The following ATP1B3 variants were observed in gnomAD, a reference collection of about 807,000 sequenced individuals.
The protein encoded by ATP1B3 is sodium/potassium-transporting ATPase subunit beta-3.
In ATP1B3, 10 loss-of-function variants were observed where a neutral mutation model predicts 30.2. The ratio of observed to expected loss-of-function variants is 0.33; its 90% CI spans 0.20 to 0.56. The LOEUF (loss-of-function observed/expected upper bound fraction) is 0.56, where lower values mean the gene tolerates loss of function less well. ATP1B3 is among the 20% of genes least tolerant of loss of function. ATP1B3 has a pLI of 0.90. For missense variants in ATP1B3, 238 were observed against 336.7 expected (o/e 0.71, Z 2.29); for synonymous variants, 113 against 117.0 (o/e 0.97, Z 0.22).
In ATP1B3 at chr3:141,925,804, G is replaced by GTGT; in HGVS notation, c.*104_*106dup. ...AATTATGAGACCACCTTGGAGAAAG[G>GTGT]TGTGTGGTACATGACATTGGGTTAC... is the stretch of plus-strand genomic sequence containing the variant. On this transcript the variant is annotated 3_prime_UTR_variant, in exon 7 of 7. Coordinates refer to ENST00000286371, the MANE Select transcript of ATP1B3 (RefSeq NM_001679.4). 1.4e-6 allele frequency: 2 copies of GTGT among 1,399,900 alleles called. No homozygotes were observed. Among genetic ancestry groups the GTGT allele is most frequent in the Non-Finnish European group, 2.0e-6 (2 of 1,020,502 alleles). 86.7% of individuals were successfully genotyped at this position (1,399,900 alleles called of 1,614,324 possible).
At chr3:141,897,509 C>A (rs150495503) in intron 1 of ATP1B3, among the ~76,000 whole-genome samples, 1 of 152,088 alleles carries the variant, frequency 6.6e-6, no homozygotes, top group Non-Finnish European at 1.5e-5. Context: ...GCTTGAGACT[C>A]CCTGGGAGAG....
intron 1 of ATP1B3, among the ~76,000 whole-genome samples, chr3:141,878,289 G>T (rs1169021091): frequency 6.6e-6 from 1 of 152,208 alleles, no homozygotes; most frequent in African/African-American, 2.4e-5. Flanking sequence ...AATCACTCAT[G>T]ATTTTTATTT....
At chr3:141,910,354 T>TA (rs1357350476) in intron 3 of ATP1B3, among the ~76,000 whole-genome samples, 3 of 152,192 alleles carry the variant, frequency 2.0e-5, no homozygotes, top group African/African-American at 7.2e-5. Flanking sequence ...TATCTATAAA[T>TA]ATTACACTTT....
At chr3:141,910,575 C>G (rs1362042305) in intron 3 of ATP1B3, among the ~76,000 whole-genome samples, 1 of 151,968 alleles carries the variant, frequency 6.6e-6, no homozygotes, top group Non-Finnish European at 1.5e-5. Flanking sequence ...TATAGATACT[C>G]TCTTCTGACT....
chr3:141,923,803 T>G (rs1385167745), intron 6 of ATP1B3, among the ~76,000 whole-genome samples: 1 of 152,228 alleles, frequency 6.6e-6, no homozygotes, highest in Non-Finnish European at 1.5e-5. Flanking sequence ...GGGCCTTTTA[T>G]GGCTTATTTT....
At chr3:141,916,954 G>A (rs960794935) in intron 5 of ATP1B3, among the ~76,000 whole-genome samples, 2 of 151,584 alleles carry the variant, frequency 1.3e-5, no homozygotes, top group East Asian at 3.9e-4. Flanking sequence ...TCCGCCTCCC[G>A]GGTTCACGCG....
At chr3:141,915,938 A>C in intron 4 of ATP1B3, 32 bp from the exon 5 acceptor site, 1 of 1,566,440 alleles carries the variant, frequency 6.4e-7, no homozygotes, top group South Asian at 1.2e-5. Context: ...ACTTACGTGA[A>C]GTTTAAATTT....
At chr3:141,905,773 G>A (rs1279550653) in intron 2 of ATP1B3, among the ~76,000 whole-genome samples, 2 of 149,790 alleles carry the variant, frequency 1.3e-5, no homozygotes, top group Non-Finnish European at 3.0e-5. Flanking sequence ...ATTGAACATA[G>A]TCTGATCTAT....
chr3:141,879,846 G>A (rs1577954227), intron 1 of ATP1B3, among the ~76,000 whole-genome samples: 1 of 60,906 alleles, frequency 1.6e-5, no homozygotes, highest in East Asian at 3.8e-4. Context: ...AAGAAAAACA[G>A]CCTTTTGTCA....
At chr3:141,909,600 C>T (rs1473103690) in intron 3 of ATP1B3, among the ~76,000 whole-genome samples, 2 of 152,112 alleles carry the variant, frequency 1.3e-5, no homozygotes, top group Non-Finnish European at 2.9e-5. Flanking sequence ...GGCCCTGAGG[C>T]TTATGGTGCT....
At chr3:141,910,035 A>G (rs1284681565) in intron 3 of ATP1B3, among the ~76,000 whole-genome samples, 2 of 152,164 alleles carry the variant, frequency 1.3e-5, no homozygotes, top group Non-Finnish European at 2.9e-5. Flanking sequence ...CCAGTGGCAC[A>G]ATCACAGCTC....
intron 1 of ATP1B3, among the ~76,000 whole-genome samples, chr3:141,895,029 C>G (rs1934033842): frequency 6.6e-6 from 1 of 151,860 alleles, no homozygotes; most frequent in Non-Finnish European, 1.5e-5. Flanking sequence ...TTATTATGAT[C>G]TTAATGGGAC....
At chr3:141,924,694 C>A (rs1428373950) in intron 6 of ATP1B3, among the ~76,000 whole-genome samples, 1 of 151,994 alleles carries the variant, frequency 6.6e-6, no homozygotes, top group Non-Finnish European at 1.5e-5. Context: ...CGGCTCATGC[C>A]TATATATTCC....
In ATP1B3 at chr3:141,925,513, T is replaced by C. The variant is rs570492348; in HGVS notation, c.670-18T>C. 1.4e-5 allele frequency: 22 copies of C among 1,583,984 alleles called. No individual in the cohort carries two copies. In the East Asian group the frequency reaches 4.7e-4, roughly 34 times the overall value. On this transcript the variant is annotated intron_variant, in intron 6 of 6. Coordinates refer to ENST00000286371, the MANE Select transcript of ATP1B3 (RefSeq NM_001679.4). ...TTTCCATAGAGTTTGAATTAATATA[T>C]TTTCCTTTTATTGCCAGGTTGGGTA...
rs967082677 is a variant in ATP1B3, at chr3:141,892,482, AT to A, written c.110-11134del. 8.6e-5 allele frequency among the ~76,000 whole-genome samples: 13 copies of A among 152,044 alleles called. No individual in the cohort carries two copies. In the East Asian group the frequency reaches 2.5e-3, roughly 29 times the overall value. Reference sequence around the variant, plus strand: ...AAATTATTCCTGCCATATTATTGACATTTTAATTACAAATTGTTATTGAATA... The same window carrying A: ...AAATTATTCCTGCCATATTATTGACATTTAATTACAAATTGTTATTGAATA... On this transcript the variant is annotated intron_variant, in intron 1 of 6. Coordinates refer to ENST00000286371, the MANE Select transcript of ATP1B3 (RefSeq NM_001679.4).
At chr3:141,916,098 C>CT in intron 5 of ATP1B3, 78 bp downstream of exon 5, 144 of 1,306,332 alleles carry the variant, frequency 1.1e-4, no homozygotes, top group Middle Eastern at 2.4e-4. Context: ...ATTTAGTCAT[C>CT]TTTTTTTTCT....
intron 6 of ATP1B3, among the ~76,000 whole-genome samples, chr3:141,925,255 C>T (rs4683649): frequency 0.088 from 13,402 of 152,024 alleles, 730 homozygotes; most frequent in East Asian, 0.16. Context: ...CCATTTGAAG[C>T]GAGGAGTTTG....
In ATP1B3 at chr3:141,916,130, C is replaced by G; in HGVS notation, c.582+110C>G. ...TTCTTCCCTGTCACATTTTAAAGTC[C>G]TTTGTAGTGCCTTAGAATAAAATTC... On this transcript the variant is annotated intron_variant, in intron 5 of 6. Transcript: ENST00000286371. 4.7e-6 allele frequency: 4 copies of G among 858,536 alleles called. No individual in the cohort carries two copies. In the South Asian group the frequency reaches 7.0e-5, roughly 15 times the overall value. 53.2% of individuals were successfully genotyped at this position (858,536 alleles called of 1,614,324 possible).
At chr3:141,913,908 T>G (rs2107776919) in intron 4 of ATP1B3, 72 bp downstream of exon 4, 2 of 1,432,460 alleles carry the variant, frequency 1.4e-6, no homozygotes, top group South Asian at 2.9e-5. Context: ...TATTTTTAGA[T>G]TGTTGTGGTT....
Sources: gnomAD v4.1 joint callset for allele counts (sites outside exome capture counted in the v4.1 genomes callset) on GRCh38, gnomAD v4.1.1 for gene constraint, MANE v1.5 for transcripts, NCBI Gene and HGNC (gene_info 2026-07-23, HGNC 2026-07-21) for gene names.